PTPRN2: variants seen among roughly 807,000 people sequenced by gnomAD.
PTPRN2 encodes protein tyrosine phosphatase receptor type N2.
A neutral mutation model predicts 118.8 loss-of-function variants in PTPRN2; 74 were observed. That is an observed-to-expected ratio of 0.62 (90% CI 0.52 to 0.76). The LOEUF is 0.76. Ranked by LOEUF, PTPRN2 falls within the 30% of genes least tolerant of loss-of-function variation. The probability of loss-of-function intolerance (pLI) is 0.00; values close to 1 mark genes in which losing one functional copy is unlikely to be tolerated. For synonymous variants in PTPRN2, 641 were observed against 608.0 expected, an observed-to-expected ratio of 1.05 and a Z score of -0.80; for missense variants, 1,481 against 1,394.4, an observed-to-expected ratio of 1.06 and a Z score of -0.99.
chr7:158,572,135 G>A (rs150114878), intron 1 of PTPRN2, among the ~76,000 whole-genome samples: 23 of 152,334 alleles, frequency 1.5e-4, no homozygotes, highest in African/African-American at 4.8e-4. Context: ...TGTCTTGCTC[G>A]TGTTTGCAAG....
intron 12 of PTPRN2, among the ~76,000 whole-genome samples, chr7:157,760,218 C>T (rs566929881): frequency 5.3e-5 from 8 of 152,240 alleles, no homozygotes; most frequent in East Asian, 3.9e-4. Context: ...GGGGGTTCTG[C>T]GCCCTGCCCC....
intron 1 of PTPRN2, among the ~76,000 whole-genome samples, chr7:158,497,324 T>C (rs1822025733): frequency 1.4e-5 from 2 of 147,626 alleles, no homozygotes; most frequent in Non-Finnish European, 3.0e-5. Context: ...CCACTGCACG[T>C]AGGGGTGGGT....
Position 158,178,062 on chromosome 7 carries a change from C to T in PTPRN2, c.550-10771G>A, listed in dbSNP as rs150089489. On this transcript the variant is annotated intron_variant, in intron 5 of 22. Coordinates refer to ENST00000389418, the MANE Select transcript of PTPRN2 (RefSeq NM_002847.5). Reference sequence around the variant, plus strand: ...TGTATTTTGTTTTTTTAAATTTTAGCCATTCTTATAGGTTTGTAGTGGTAT... The same window carrying T: ...TGTATTTTGTTTTTTTAAATTTTAGTCATTCTTATAGGTTTGTAGTGGTAT... 1.7e-3 allele frequency among the ~76,000 whole-genome samples: 259 copies of T among 152,150 alleles called. 2 individuals carry two copies. Among genetic ancestry groups the T allele is most frequent in the African/African-American group, 6.0e-3 (248 of 41,490 alleles).
chr7:157,994,451 C>T (rs1455221889), intron 11 of PTPRN2, among the ~76,000 whole-genome samples: 1 of 152,124 alleles, frequency 6.6e-6, no homozygotes, highest in Non-Finnish European at 1.5e-5. Context: ...TGGGATGAAT[C>T]TGAGGCAGCG....
chr7:157,853,654 G>A (rs760524483), intron 12 of PTPRN2, among the ~76,000 whole-genome samples: 4 of 152,216 alleles, frequency 2.6e-5, no homozygotes, highest in South Asian at 2.1e-4. Flanking sequence ...CCTCCACGGC[G>A]GAACTGGTGC....
intron 13 of PTPRN2, among the ~76,000 whole-genome samples, chr7:157,672,864 CGTCTGCGAATCTTCCCATCTGTTCTTCAA>C (rs1796483381): frequency 6.6e-6 from 1 of 152,196 alleles, no homozygotes; most frequent in African/African-American, 2.4e-5. Flanking sequence ...CTAATGTAAT[CGTCTGCGAATCTTCCCATCTGTTCTTCAA>C]GTCACTGTAC....
At chr7:158,540,503 C>A (rs554153995) in intron 1 of PTPRN2, among the ~76,000 whole-genome samples, 44 of 152,238 alleles carry the variant, frequency 2.9e-4, no homozygotes, top group Non-Finnish European at 4.7e-4. Context: ...CTGGGCCCCC[C>A]ACCTGTGCTC....
chr7:158,140,190 G>T (rs958036954), intron 6 of PTPRN2, among the ~76,000 whole-genome samples: 1 of 152,232 alleles, frequency 6.6e-6, no homozygotes, highest in African/African-American at 2.4e-5. Context: ...GCATGAACTG[G>T]ATGGCACAAG....
intron 4 of PTPRN2, among the ~76,000 whole-genome samples, chr7:158,198,494 AC>A (rs1826390443): frequency 6.6e-6 from 1 of 152,258 alleles, no homozygotes; most frequent in Non-Finnish European, 1.5e-5. Context: ...AAAAAATTCC[AC>A]ATTACAGGCC....
chr7:158,533,605 C>T lies in PTPRN2; in HGVS notation c.113-43820G>A, dbSNP rs144638575. On this transcript the variant is annotated intron_variant, in intron 1 of 22. Transcript: ENST00000389418. ...CCCAGGGGCCAGAGGGGACGTCCCG[C>T]AGAGACCGTCCTGACCCCAGCCCTC... is the stretch of plus-strand genomic sequence containing the variant. Among the ~76,000 whole-genome samples the T allele has an allele frequency of 1.2e-3, 187 of 152,314 alleles. 4 individuals are homozygous for T. The East Asian group carries it at 0.03, about 25-fold the overall frequency.
chr7:157,704,943 G>A (rs1440632150), intron 12 of PTPRN2, among the ~76,000 whole-genome samples: 1 of 152,188 alleles, frequency 6.6e-6, no homozygotes, highest in Non-Finnish European at 1.5e-5. Flanking sequence ...CTGTGCTCGA[G>A]CACTAACCTC....
chr7:158,428,516 G>A (rs1023254213), intron 2 of PTPRN2, among the ~76,000 whole-genome samples: 5 of 152,234 alleles, frequency 3.3e-5, no homozygotes, highest in African/African-American at 1.2e-4. Context: ...TGAGATCGCA[G>A]TATTGGGACA....
At chr7:158,481,580 C>T (rs1820643604) in intron 2 of PTPRN2, among the ~76,000 whole-genome samples, 1 of 152,228 alleles carries the variant, frequency 6.6e-6, no homozygotes, top group African/African-American at 2.4e-5. Context: ...TTCCTTGCCT[C>T]AGCCTCCCGC....
intron 11 of PTPRN2, among the ~76,000 whole-genome samples, chr7:157,962,447 C>T (rs187720720): frequency 2.3e-4 from 35 of 152,318 alleles, no homozygotes; most frequent in East Asian, 5.8e-4. Flanking sequence ...TTGTCAAACT[C>T]GGTCACCAGC....
At chr7:158,073,030 G>A (rs554577940) in intron 11 of PTPRN2, among the ~76,000 whole-genome samples, 10 of 152,250 alleles carry the variant, frequency 6.6e-5, no homozygotes, top group Admixed American at 2.0e-4. Context: ...CTCCTGGGCC[G>A]ACCACCAGGG....
Position 158,529,025 on chromosome 7 carries a change from A to G in PTPRN2, c.113-39240T>C, listed in dbSNP as rs1029590547. 4.6e-5 allele frequency among the ~76,000 whole-genome samples: 7 copies of G among 151,754 alleles called. No individual in the cohort carries two copies. Among genetic ancestry groups the G allele is most frequent in the African/African-American group, 1.5e-4 (6 of 41,010 alleles). ...AGTCAGCCTGGCCTTCGAGCCCACC[A>G]AGGGGCTTTGGGATCACACAGCCAG... On this transcript the variant is annotated intron_variant, in intron 1 of 22. Transcript: ENST00000389418. This position sits in a 1 kb window ranked among gnomAD's most constrained non-coding sequence, Gnocchi z 4.7.
At chr7:157,942,082 T>C (rs1800167981) in intron 11 of PTPRN2, among the ~76,000 whole-genome samples, 1 of 146,402 alleles carries the variant, frequency 6.8e-6, no homozygotes, top group Non-Finnish European at 1.5e-5. Flanking sequence ...CCTTCACTCA[T>C]GGGAGTCCTT....
chr7:157,656,306 G>C, intron 14 of PTPRN2, 51 bp downstream of exon 14: 1 of 1,494,308 alleles, frequency 6.7e-7, no homozygotes, highest in Non-Finnish European at 9.1e-7. Flanking sequence ...AGGGGCCGAG[G>C]AAGGAGGGCC....
intron 11 of PTPRN2, among the ~76,000 whole-genome samples, chr7:158,071,370 G>GTGGTGGAGGTGCTCA (rs1811541398): frequency 3.5e-5 from 3 of 85,434 alleles, no homozygotes; most frequent in South Asian, 4.2e-4. Context: ...GGTGCTCATG[G>GTGGTGGAGGTGCTCA]TGGTGGAGGT....
Sources: allele counts gnomAD v4.1 joint callset (sites outside exome capture counted in the v4.1 genomes callset), GRCh38; gene constraint gnomAD v4.1.1; non-coding constraint Gnocchi (gnomAD v3.1); transcripts MANE v1.5; gene names NCBI Gene and HGNC (gene_info 2026-07-23, HGNC 2026-07-21).